The following COL28A1 variants were observed in gnomAD, a reference collection of about 807,000 sequenced individuals.
COL28A1 encodes collagen type XXVIII alpha 1 chain.
In COL28A1, 161 loss-of-function variants were observed where a neutral mutation model predicts 150.2. The observed-to-expected ratio is 1.07, with a 90% confidence interval of 0.94 to 1.22. The LOEUF (loss-of-function observed/expected upper bound fraction) is 1.22. Among genes scored for constraint, COL28A1 ranks in the 50% most tolerant of loss-of-function variants. The pLI, the probability that COL28A1 is intolerant of heterozygous loss-of-function variation, is 0.00. For synonymous variants in COL28A1, 552 were observed against 469.7 expected (o/e 1.18, Z -2.26); for missense variants, 1,617 against 1,388.3 (o/e 1.16, Z -2.62).
At chr7:7,457,530 G>C (rs904464011) in intron 15 of COL28A1, among the ~76,000 whole-genome samples, 7 of 152,298 alleles carry the variant, frequency 4.6e-5, no homozygotes, top group Admixed American at 3.9e-4. Flanking sequence ...TCCAAATGGA[G>C]ATATCAAGTA....
downstream of COL28A1, among the ~76,000 whole-genome samples, chr7:7,353,993 C>T (rs547707115): frequency 2.2e-4 from 34 of 151,626 alleles, no homozygotes; most frequent in African/African-American, 5.8e-4. Flanking sequence ...CATTTTCATG[C>T]GGAGGACAAC....
At chr7:7,511,695 G>A (rs1013156518) in intron 8 of COL28A1, 1 of 468,470 alleles carries the variant, frequency 2.1e-6, no homozygotes, top group Admixed American at 2.4e-5. Context: ...GTGAGAGAAA[G>A]GTTCTGAAGT....
At chr7:7,503,487 G>A (rs1009273937) in intron 11 of COL28A1, among the ~76,000 whole-genome samples, 2 of 152,106 alleles carry the variant, frequency 1.3e-5, no homozygotes, top group Non-Finnish European at 2.9e-5. Flanking sequence ...TGCACAAATT[G>A]CAAAAGCAGC....
chr7:7,473,472 A>G (rs1562766406), intron 15 of COL28A1, among the ~76,000 whole-genome samples: 1 of 152,228 alleles, frequency 6.6e-6, no homozygotes, highest in Non-Finnish European at 1.5e-5. Flanking sequence ...AATGCAAATC[A>G]AAACCACAAT....
At chr7:7,338,348 T>C in the COL28A1 span, among the ~76,000 whole-genome samples, 2 of 152,194 alleles carry the variant, frequency 1.3e-5, no homozygotes, top group Non-Finnish European at 2.9e-5. Flanking sequence ...TTTCCATTTC[T>C]TTGTGTCATC....
intron 33 of COL28A1, 39 bp from the exon 34 acceptor site, chr7:7,360,567 T>A: frequency 6.4e-7 from 1 of 1,564,244 alleles, no homozygotes; most frequent in Non-Finnish European, 8.6e-7. Flanking sequence ...TCTGATAATA[T>A]CAAGTAAAAA....
At chr7:7,453,625 G>A (rs781085046) in intron 16 of COL28A1, 117 bp from the exon 17 acceptor site, 3 of 647,338 alleles carry the variant, frequency 4.6e-6, no homozygotes, top group Non-Finnish European at 7.9e-6. Flanking sequence ...AAGCATTTGT[G>A]GAGTGGGGTG....
intron 27 of COL28A1, among the ~76,000 whole-genome samples, chr7:7,407,674 A>G (rs758980310): frequency 2.6e-5 from 4 of 152,062 alleles, no homozygotes; most frequent in Non-Finnish European, 4.4e-5. Context: ...ACTTTTACCA[A>G]AAAAAATTCT....
chr7:7,510,377 T>C (rs542644022), intron 9 of COL28A1, among the ~76,000 whole-genome samples: 1 of 152,230 alleles, frequency 6.6e-6, no homozygotes, highest in South Asian at 2.1e-4. Context: ...GTCTGCCTCC[T>C]GGGTTCAAGC....
intron 15 of COL28A1, among the ~76,000 whole-genome samples, chr7:7,459,846 A>T (rs1787472110): frequency 6.6e-6 from 1 of 152,236 alleles, no homozygotes. Flanking sequence ...CATGACTGTG[A>T]TGGACCAAGA....
chr7:7,425,095 A>G (rs1029492932), intron 25 of COL28A1, among the ~76,000 whole-genome samples: 2 of 151,684 alleles, frequency 1.3e-5, no homozygotes, highest in Admixed American at 6.6e-5. Flanking sequence ...TAAAAATAAT[A>G]CTTATTAAGT....
chr7:7,359,341 T>G (rs1780512768), intron 34 of COL28A1, among the ~76,000 whole-genome samples: 1 of 151,850 alleles, frequency 6.6e-6, no homozygotes, highest in Non-Finnish European at 1.5e-5. Context: ...CAATTATAGT[T>G]TTAAAAGAGC....
chr7:7,346,845 C>G, the COL28A1 span, among the ~76,000 whole-genome samples: 1 of 152,030 alleles, frequency 6.6e-6, no homozygotes, highest in South Asian at 2.1e-4. Flanking sequence ...GCAAATATAT[C>G]ACGAGAAAAA....
intron 11 of COL28A1, among the ~76,000 whole-genome samples, chr7:7,500,112 A>G (rs1254400316): frequency 3.9e-5 from 6 of 152,186 alleles, no homozygotes; most frequent in South Asian, 2.1e-4. Context: ...AGAATGGTCA[A>G]TGTTCCCGAC....
chr7:7,432,185 T>C (rs748881897), intron 25 of COL28A1, among the ~76,000 whole-genome samples: 13 of 152,176 alleles, frequency 8.5e-5, no homozygotes, highest in South Asian at 4.1e-4. Flanking sequence ...GGAAAGAGTA[T>C]GGCTAGAGGA....
At position 7,373,588 on chromosome 7, in the gene COL28A1, T is replaced by A; in HGVS notation, c.2360-42A>T. The A allele has an allele frequency of 1.3e-6, 2 of 1,540,536 alleles. No individual in the cohort carries two copies. The highest frequency in any genetic ancestry group is 1.8e-6 in the Non-Finnish European group (2 of 1,130,820). On this transcript the variant is annotated intron_variant, in intron 31 of 34. Transcript: ENST00000399429. The surrounding 1 kb of genome is among the most constrained non-coding windows in gnomAD (Gnocchi z 4.1). ...GAGAGAGAAAAATTGTGGGAATGAT[T>A]GACATCAGATTGTTGAGGGGAGGGG... is the stretch of plus-strand genomic sequence containing the variant.
chr7:7,354,927 G>A (rs16877690), downstream of COL28A1, among the ~76,000 whole-genome samples: 3,386 of 152,180 alleles, frequency 0.022, 116 homozygotes, highest in African/African-American at 0.076. Context: ...CACGAAGATG[G>A]TTATCTAGTG....
At chr7:7,492,902 G>A (rs1780000840) in intron 11 of COL28A1, among the ~76,000 whole-genome samples, 2 of 150,158 alleles carry the variant, frequency 1.3e-5, no homozygotes, top group South Asian at 2.1e-4. Flanking sequence ...TGAGCAGCCA[G>A]TTGACTGACA....
At chr7:7,425,919 T>G (rs1784623668) in intron 25 of COL28A1, among the ~76,000 whole-genome samples, 1 of 152,180 alleles carries the variant, frequency 6.6e-6, no homozygotes, top group South Asian at 2.1e-4. Context: ...CAATATAATA[T>G]TTGAGGAAAT....
Sources: gnomAD v4.1 joint callset for allele counts (sites outside exome capture counted in the v4.1 genomes callset) on GRCh38, gnomAD v4.1.1 for gene constraint, Gnocchi (gnomAD v3.1) non-coding constraint, MANE v1.5 for transcripts, NCBI Gene and HGNC (gene_info 2026-07-23, HGNC 2026-07-21) for gene names.